Variants in CLN6 observed in about 807,000 individuals in gnomAD.
The protein encoded by CLN6 is CLN6 transmembrane ER protein.
A neutral mutation model predicts 33.3 loss-of-function variants in CLN6; 22 were observed. That is an observed-to-expected ratio of 0.66 (90% CI 0.47 to 0.94). The LOEUF (loss-of-function observed/expected upper bound fraction) is 0.94, where lower values mean the gene tolerates loss of function less well. Ranked by LOEUF, CLN6 falls within the 40% of genes least tolerant of loss-of-function variation. The pLI, the probability that CLN6 is intolerant of heterozygous loss-of-function variation, is 0.00. For missense variants in CLN6, 387 were observed against 417.1 expected, an observed-to-expected ratio of 0.93 and a Z score of 0.63; for synonymous variants, 201 against 174.6, an observed-to-expected ratio of 1.15 and a Z score of -1.19.
intron 2 of CLN6, among the ~76,000 whole-genome samples, chr15:68,215,958 T>C (rs775646076): frequency 3.9e-5 from 6 of 152,246 alleles, no homozygotes; most frequent in Non-Finnish European, 7.3e-5. Context: ...GTTACATCTA[T>C]GACATGTTAC....
At chr15:68,251,997 G>A (rs1258543168) in intron 1 of CLN6, among the ~76,000 whole-genome samples, 2 of 141,704 alleles carry the variant, frequency 1.4e-5, no homozygotes, top group Non-Finnish European at 3.0e-5. Flanking sequence ...TTTTTGAGAC[G>A]GAGTCTTGGT....
chr15:68,252,455 T>C (rs934664027), intron 1 of CLN6, among the ~76,000 whole-genome samples: 2 of 152,222 alleles, frequency 1.3e-5, no homozygotes, highest in African/African-American at 2.4e-5. Context: ...CCAACTCTAT[T>C]GGCAAAAATT....
chr15:68,231,380 G>C (rs771247198), upstream of CLN6, among the ~76,000 whole-genome samples: 2 of 152,228 alleles, frequency 1.3e-5, no homozygotes, highest in Non-Finnish European at 2.9e-5. Context: ...TTGTAGCAGA[G>C]AAAAACCTAG....
chr15:68,229,423 C>T, intron 1 of CLN6, 79 bp downstream of exon 1: 1 of 1,184,898 alleles, frequency 8.4e-7, no homozygotes, highest in Non-Finnish European at 1.1e-6. Context: ...CCCGGCAGCC[C>T]TAGGAGCGTC....
At chr15:68,214,253 G>T in intron 3 of CLN6, 37 bp downstream of exon 3, 1 of 1,463,938 alleles carries the variant, frequency 6.8e-7, no homozygotes, top group Non-Finnish European at 9.6e-7. Flanking sequence ...GCAAAGAATG[G>T]GGATGACAGG....
At chr15:68,222,362 G>A (rs2093239644) in intron 1 of CLN6, among the ~76,000 whole-genome samples, 1 of 142,932 alleles carries the variant, frequency 7.0e-6, no homozygotes, top group Non-Finnish European at 1.5e-5. Flanking sequence ...AAGCGCCTCT[G>A]CCCGGCCGCC....
rs531773416 is a variant in CLN6 at position 68,222,079 on chromosome 15, G to T, written c.84-3429C>A. Among the ~76,000 whole-genome samples, 510 of 146,556 alleles carry T rather than the reference G, an allele frequency of 3.5e-3. 1 individual carries two copies. The highest frequency in any genetic ancestry group is 0.011 in the African/African-American group (422 of 39,216). ...TCTGCCCGGCCACCCCGTCTGGGAAGTAAGGAGCCCCTCTGCCCGGCCGCC... is the reference window on the plus strand; with the variant it reads ...TCTGCCCGGCCACCCCGTCTGGGAATTAAGGAGCCCCTCTGCCCGGCCGCC... On this transcript the variant is annotated intron_variant, in intron 1 of 6. Transcript: ENST00000249806.
chr15:68,212,992 TCA>T (rs2093210460), intron 3 of CLN6: 1 of 152,280 alleles, frequency 6.6e-6, no homozygotes, highest in Non-Finnish European at 1.5e-5. Flanking sequence ...GAATCTCGGC[TCA>T]CTGCAACCTC....
chr15:68,211,811 A>C lies in CLN6; in HGVS notation c.350T>G (p.Ile117Ser), dbSNP rs752212030. 2.5e-6 allele frequency: 4 copies of C among 1,613,806 alleles called. No individual in the cohort carries two copies. Among genetic ancestry groups the C allele is most frequent in the Admixed American group, 1.7e-5 (1 of 60,000 alleles). The change falls in exon 4 of 7, where the codon ATC becomes AGC. Residue 117 changes from isoleucine to serine, a missense_variant. By Grantham distance (142) the Ile-to-Ser change is moderately radical. Coordinates refer to ENST00000249806, the MANE Select transcript of CLN6 (RefSeq NM_017882.3). This position sits in a 1 kb window ranked among gnomAD's most constrained non-coding sequence, Gnocchi z 5.9. ...TLPRSITYVS[I>S]IIFIMGASIH... ...GCTGGCACCCATGATGAAGATGATG[A>C]TGCTCACGTACGTGATGGAGCGTGG...
chr15:68,254,698 G>A, intron 1 of CLN6: 1 of 744,776 alleles, frequency 1.3e-6, no homozygotes, highest in Non-Finnish European at 2.5e-6. Context: ...ACAAACCACA[G>A]AGAAGATCCA....
Position 68,207,998 on chromosome 15 carries a change from ACGAATC to A in CLN6, c.*136_*141del. ...ATACAAGACACACACACACACACAC[ACGAATC>A]CACGCACACGAGGCACACCCCACTC... On this transcript the variant is annotated 3_prime_UTR_variant, in exon 7 of 7. Coordinates refer to ENST00000249806, the MANE Select transcript of CLN6 (RefSeq NM_017882.3). 2.5e-6 allele frequency: 2 copies of A among 807,356 alleles called. No individual in the cohort carries two copies. Among genetic ancestry groups the A allele is most frequent in the African/African-American group, 1.7e-5 (1 of 58,856 alleles). 50.0% of individuals were successfully genotyped at this position (807,356 alleles called of 1,614,324 possible).
chr15:68,218,878 A>G (rs1567098076), intron 1 of CLN6, among the ~76,000 whole-genome samples: 1 of 152,126 alleles, frequency 6.6e-6, no homozygotes, highest in East Asian at 1.9e-4. Context: ...TCAGGAAGGA[A>G]ACAGCTGAAC....
In CLN6 at chr15:68,256,504, T is replaced by C. The variant is rs1892438199; in HGVS notation, c.179+186A>G. 2.8e-5 allele frequency among the ~76,000 whole-genome samples: 1 copy of C among 36,042 alleles called. No individual in the cohort carries two copies. The highest frequency in any genetic ancestry group is 7.0e-4 in the Non-Finnish European group (1 of 1,434). 23.6% of individuals were successfully genotyped at this position (36,042 alleles called of 152,430 possible). A position where few individuals can be genotyped will look rare whatever the true frequency, so the allele number is the denominator to read the frequency against. On this transcript the variant is annotated intron_variant, in intron 1 of 6. Transcript: ENST00000538696. The surrounding 1 kb of genome is among the most constrained non-coding windows in gnomAD (Gnocchi z 4.1). ...TTGGGCAGCACTGCTCTAGCCGTTA[T>C]TACCAATACAATACTTGTGTTATAG...
chr15:68,217,536 G>C (rs2093223805), intron 2 of CLN6, among the ~76,000 whole-genome samples: 1 of 152,172 alleles, frequency 6.6e-6, no homozygotes, highest in Non-Finnish European at 1.5e-5. Context: ...GGCCCCAAAA[G>C]GGCTTTGCTA....
At chr15:68,254,258 A>C (rs534672254) in intron 1 of CLN6, among the ~76,000 whole-genome samples, 2 of 152,172 alleles carry the variant, frequency 1.3e-5, no homozygotes, top group African/African-American at 2.4e-5. Flanking sequence ...GAGGAGAGAG[A>C]GCACGATACG....
intron 3 of CLN6, chr15:68,212,389 A>C (rs529035812): frequency 6.2e-6 from 1 of 161,026 alleles, no homozygotes; most frequent in South Asian, 1.8e-4. Flanking sequence ...TGGAGATTTG[A>C]AGTATCTTTC....
At chr15:68,254,413 G>A (rs906235259) in intron 1 of CLN6, 2 of 268,200 alleles carry the variant, frequency 7.5e-6, no homozygotes, top group African/African-American at 4.5e-5. Flanking sequence ...ACGTGGCAAG[G>A]GAGCACTTGA....
At chr15:68,257,171 A>T (rs112510203), upstream of CLN6, 8 of 289,948 alleles carry the variant, frequency 2.8e-5, no homozygotes, top group African/African-American at 6.5e-5. Context: ...AGCGGAACGC[A>T]CGCGCCCGGC....
chr15:68,254,556 A>G (rs1892412659), intron 1 of CLN6: 1 of 493,006 alleles, frequency 2.0e-6, no homozygotes, highest in Admixed American at 3.3e-5. Context: ...AGTGTGAAAA[A>G]GAGGTGAGAA....
Sources: gnomAD v4.1 joint callset for allele counts (sites outside exome capture counted in the v4.1 genomes callset) on GRCh38, gnomAD v4.1.1 for gene constraint, Gnocchi (gnomAD v3.1) non-coding constraint, MANE v1.5 for transcripts, NCBI Gene and HGNC (gene_info 2026-07-23, HGNC 2026-07-21) for gene names.